RASA1: variants seen among roughly 807,000 people sequenced by gnomAD.
RASA1 encodes ras GTPase-activating protein 1.
In RASA1, 25 loss-of-function variants were observed where a neutral mutation model predicts 132.2. That is an observed-to-expected ratio of 0.19 (90% CI 0.14 to 0.26). RASA1 has a LOEUF of 0.26. Among genes scored for constraint, RASA1 ranks in the 10% least tolerant of loss-of-function variants. RASA1 has a pLI of 1.00. For synonymous variants in RASA1, 477 were observed against 449.9 expected (o/e 1.06, Z -0.76); for missense variants, 964 against 1,299.2 (o/e 0.74, Z 3.97).
intron 20 of RASA1, 32 bp downstream of exon 20, chr5:87,380,627 AT>A: frequency 6.6e-7 from 1 of 1,510,678 alleles, no homozygotes; most frequent in Non-Finnish European, 9.2e-7. Context: ...GTTAAATCAC[AT>A]ACTAATAGGT....
At chr5:87,360,081 G>A (rs563370284) in intron 9 of RASA1, among the ~76,000 whole-genome samples, 12 of 150,642 alleles carry the variant, frequency 8.0e-5, no homozygotes, top group African/African-American at 2.9e-4. Context: ...ATCACTACTG[G>A]AATCTAGCTT....
intron 1 of RASA1, among the ~76,000 whole-genome samples, chr5:87,327,870 CAGG>C (rs1294953904): frequency 1.3e-5 from 2 of 151,222 alleles, no homozygotes; most frequent in Non-Finnish European, 2.9e-5. Flanking sequence ...GAGGCAGAGA[CAGG>C]AGAATCACTT....
At chr5:87,326,521 A>G (rs1295380151) in intron 1 of RASA1, among the ~76,000 whole-genome samples, 1 of 152,206 alleles carries the variant, frequency 6.6e-6, no homozygotes, top group East Asian at 1.9e-4. Flanking sequence ...TCCTCCTGCT[A>G]TTCCTTTTCC....
At chr5:87,306,427 A>G (rs1013234669) in intron 1 of RASA1, among the ~76,000 whole-genome samples, 1 of 152,116 alleles carries the variant, frequency 6.6e-6, no homozygotes, top group African/African-American at 2.4e-5. Context: ...ATCTGAACAC[A>G]TAGAGGGGAA....
At chr5:87,305,902 A>G (rs2112294207) in intron 1 of RASA1, among the ~76,000 whole-genome samples, 1 of 152,366 alleles carries the variant, frequency 6.6e-6, no homozygotes, top group South Asian at 2.1e-4. Flanking sequence ...TGATCATTAG[A>G]GAGATGTAAA....
chr5:87,391,439 A>ATACTC lies in RASA1; in HGVS notation c.*558_*562dup. On this transcript the variant is annotated 3_prime_UTR_variant, in exon 25 of 25. Transcript: ENST00000274376. ...AATCTTTGCTGTATACTTTTAAAAA[A>ATACTC]TACTCTGCTATTTCTCTTGCTGGAA... The ATACTC allele has an allele frequency of 4.1e-6, 1 of 243,106 alleles. No individual in the cohort carries two copies. The highest frequency in any genetic ancestry group is 1.3e-3 in the Middle Eastern group (1 of 790). 15.1% of individuals were successfully genotyped at this position (243,106 alleles called of 1,614,324 possible).
intron 1 of RASA1, among the ~76,000 whole-genome samples, chr5:87,317,028 G>A (rs545240677): frequency 2.0e-5 from 3 of 152,124 alleles, no homozygotes; most frequent in African/African-American, 7.2e-5. Context: ...GATTACAGGC[G>A]TGTGCCACTA....
At chr5:87,325,801 G>A (rs1757189323) in intron 1 of RASA1, among the ~76,000 whole-genome samples, 1 of 152,176 alleles carries the variant, frequency 6.6e-6, no homozygotes, top group African/African-American at 2.4e-5. Flanking sequence ...CAAGTTAGTT[G>A]TAAATAATTG....
At chr5:87,338,514 TA>T (rs1758152935) in intron 5 of RASA1, among the ~76,000 whole-genome samples, 5 of 98,790 alleles carry the variant, frequency 5.1e-5, no homozygotes, top group South Asian at 3.6e-4. Flanking sequence ...TATATATATA[TA>T]TATATATATA....
chr5:87,321,600 C>A (rs755098746), intron 1 of RASA1, among the ~76,000 whole-genome samples: 4 of 152,226 alleles, frequency 2.6e-5, no homozygotes, highest in Non-Finnish European at 2.9e-5. Context: ...TTAAAGGATA[C>A]AAGTAAACAG....
rs886716535 is a variant in RASA1, at chr5:87,302,586, CTATAGTATACTATACTGTATAG to C, written c.540-28745_540-28724del. On this transcript the variant is annotated intron_variant, in intron 1 of 24. Coordinates refer to ENST00000274376, the MANE Select transcript of RASA1 (RefSeq NM_002890.3). ...CACATAAAGCATAGTATTCTATATA[CTATAGTATACTATACTGTATAG>C]TATAGTATACTATACTAAAGCATAG... 4.7e-5 allele frequency among the ~76,000 whole-genome samples: 7 copies of C among 149,886 alleles called. No homozygotes were observed. The East Asian group carries it at 7.8e-4, about 17-fold the overall frequency.
chr5:87,385,746 C>T (rs1170235274), intron 22 of RASA1, among the ~76,000 whole-genome samples: 1 of 151,950 alleles, frequency 6.6e-6, no homozygotes, highest in Non-Finnish European at 1.5e-5. Context: ...TTTTTTTAAA[C>T]ACCTACACTT....
intron 1 of RASA1, among the ~76,000 whole-genome samples, chr5:87,289,587 A>C (rs776371530): frequency 5.9e-5 from 9 of 152,120 alleles, no homozygotes; most frequent in Non-Finnish European, 1.2e-4. Flanking sequence ...GCAGAGATAC[A>C]TGCAGGCATG....
intron 17 of RASA1, 64 bp downstream of exon 17, chr5:87,377,104 T>C (rs1042086003): frequency 1.3e-5 from 20 of 1,507,800 alleles, no homozygotes; most frequent in Non-Finnish European, 1.7e-5. Flanking sequence ...CAAGGATATA[T>C]GGACTCTATC....
chr5:87,314,839 G>A (rs578027191), intron 1 of RASA1, among the ~76,000 whole-genome samples: 2 of 152,310 alleles, frequency 1.3e-5, no homozygotes, highest in East Asian at 3.9e-4. Context: ...AGGTTGATGG[G>A]AGAGTTAGGA....
intron 1 of RASA1, 200 bp from the exon 2 acceptor site, chr5:87,331,148 A>G: frequency 1.1e-6 from 1 of 875,638 alleles, no homozygotes; most frequent in Non-Finnish European, 1.8e-6. Flanking sequence ...CTTTTAGAAC[A>G]AATTAAAGAC....
rs372514699 is a variant in RASA1 at position 87,297,060 on chromosome 5, G to A, written c.539+28070G>A. On this transcript the variant is annotated intron_variant, in intron 1 of 24. Transcript: ENST00000274376. ...TAGCTATGTTCAGTCTACTAATGAA[G>A]CCATTAAAGACATTCTTCATTTCTG... is the stretch of plus-strand genomic sequence containing the variant. Among the ~76,000 whole-genome samples, 6 of 152,138 alleles carry A rather than the reference G, an allele frequency of 3.9e-5. No homozygotes were observed. The East Asian group carries it at 1.2e-3, about 29-fold the overall frequency.
chr5:87,381,097 TATAA>T (rs1580397327), intron 20 of RASA1, among the ~76,000 whole-genome samples: 1 of 152,222 alleles, frequency 6.6e-6, no homozygotes, highest in South Asian at 2.1e-4. Context: ...TGGGAGCTTA[TATAA>T]AGGGACTTCA....
intron 21 of RASA1, 88 bp from the exon 22 acceptor site, chr5:87,385,213 A>G: frequency 1.1e-6 from 1 of 872,862 alleles, no homozygotes; most frequent in Non-Finnish European, 1.9e-6. Flanking sequence ...TTTAACAGTA[A>G]AGAAATATTA....
Sources: gnomAD v4.1 joint callset for allele counts (sites outside exome capture counted in the v4.1 genomes callset) on GRCh38, gnomAD v4.1.1 for gene constraint, MANE v1.5 for transcripts, NCBI Gene and HGNC (gene_info 2026-07-23, HGNC 2026-07-21) for gene names.